Variants in LCLAT1 observed in about 807,000 individuals in gnomAD.
The protein encoded by LCLAT1 is lysocardiolipin acyltransferase 1.
LCLAT1 carries 11 observed loss-of-function variants against 30.7 expected under a neutral mutation model. The observed-to-expected ratio is 0.36, with a 90% CI of 0.23 to 0.59. The LOEUF (loss-of-function observed/expected upper bound fraction) is 0.59, where lower values mean the gene tolerates loss of function less well. Ranked by LOEUF, LCLAT1 falls within the 20% of genes least tolerant of loss-of-function variation. The pLI is 0.77. For missense variants in LCLAT1, 402 were observed against 458.6 expected (o/e 0.88, Z 1.13); for synonymous variants, 155 against 151.3 (o/e 1.02, Z -0.18).
At chr2:30,449,208 A>G (rs1558443123) in intron 1 of LCLAT1, among the ~76,000 whole-genome samples, 1 of 152,226 alleles carries the variant, frequency 6.6e-6, no homozygotes. Context: ...CCTATGACAT[A>G]CAGATGTGTT....
At chr2:30,526,025 C>T (rs1685702589) in intron 2 of LCLAT1, among the ~76,000 whole-genome samples, 1 of 152,180 alleles carries the variant, frequency 6.6e-6, no homozygotes, top group African/African-American at 2.4e-5. Context: ...GCTTAGCCAT[C>T]CTTTTTTCCC....
rs1372561792 is a variant in LCLAT1 at position 30,640,232 on chromosome 2, C to T, written c.744C>T (p.His248=). The T allele has an allele frequency of 2.5e-6, 4 of 1,614,084 alleles. No individual in the cohort carries two copies. Among genetic ancestry groups the T allele is most frequent in the Non-Finnish European group, 3.4e-6 (4 of 1,179,918 alleles). ...DFPREIHFHV[H]RYPIDTLPTS... is the part of the protein sequence containing the mutation. ...CCAGGGAAATCCACTTTCACGTCCA[C>T]CGGTATCCAATAGACACCCTCCCCA... is the stretch of plus-strand genomic sequence containing the variant. Residue 248 remains histidine (H), a synonymous_variant, in exon 6 of 6, where the codon CAC becomes CAT. Transcript: ENST00000379509.
intron 5 of LCLAT1, among the ~76,000 whole-genome samples, chr2:30,580,770 G>T (rs1394620855): frequency 6.6e-6 from 1 of 152,130 alleles, no homozygotes; most frequent in Non-Finnish European, 1.5e-5. Context: ...AGGAGGCAAG[G>T]TTCAGCTGAA....
At chr2:30,507,970 T>G (rs976294380) in intron 1 of LCLAT1, among the ~76,000 whole-genome samples, 1 of 152,204 alleles carries the variant, frequency 6.6e-6, no homozygotes, top group Non-Finnish European at 1.5e-5. Context: ...TTTTTCTTTT[T>G]AGTAATAGCC....
At chr2:30,517,716 A>G (rs1351268636) in intron 1 of LCLAT1, among the ~76,000 whole-genome samples, 3 of 152,226 alleles carry the variant, frequency 2.0e-5, no homozygotes, top group Admixed American at 2.0e-4. Flanking sequence ...AAGAGAGGGG[A>G]AAAAGAGAGA....
At chr2:30,450,407 C>G (rs1223219204) in intron 1 of LCLAT1, among the ~76,000 whole-genome samples, 2 of 144,120 alleles carry the variant, frequency 1.4e-5, no homozygotes, top group African/African-American at 5.0e-5. Flanking sequence ...GAACTCTTAG[C>G]TAAGAGAGTG....
chr2:30,539,557 A>G (rs1056349077), intron 3 of LCLAT1, among the ~76,000 whole-genome samples: 27 of 152,230 alleles, frequency 1.8e-4, no homozygotes, highest in African/African-American at 6.3e-4. Flanking sequence ...ATTTAAGAAC[A>G]TGTGTTATAA....
intron 1 of LCLAT1, 24 bp from the exon 2 acceptor site, chr2:30,525,562 AT>A: frequency 6.3e-7 from 1 of 1,586,308 alleles, no homozygotes; most frequent in Non-Finnish European, 8.7e-7. Context: ...TAGTAACAAA[AT>A]ATATCCTTTT....
chr2:30,568,849 A>G (rs1468485533), intron 5 of LCLAT1, among the ~76,000 whole-genome samples: 3 of 132,840 alleles, frequency 2.3e-5, no homozygotes, highest in South Asian at 2.6e-4. Context: ...CCATTTCTCT[A>G]GTAATCATGA....
At chr2:30,557,238 G>A (rs1269712833) in intron 3 of LCLAT1, among the ~76,000 whole-genome samples, 1 of 150,602 alleles carries the variant, frequency 6.6e-6, no homozygotes, top group East Asian at 2.0e-4. Context: ...GTATAGACAT[G>A]GTCAATGAAA....
At chr2:30,600,624 C>CTCT (rs59676453) in intron 5 of LCLAT1, among the ~76,000 whole-genome samples, 108,192 of 151,778 alleles carry the variant, frequency 0.71, 38,717 homozygotes, top group African/African-American at 0.76. Flanking sequence ...GACCCCAAGT[C>CTCT]TCTTCTGGCT....
chr2:30,462,052 G>A (rs559002543), intron 1 of LCLAT1, among the ~76,000 whole-genome samples: 2 of 152,172 alleles, frequency 1.3e-5, no homozygotes, highest in Admixed American at 6.5e-5. Context: ...GATTACAGGC[G>A]TGAGCCACCG....
intron 5 of LCLAT1, among the ~76,000 whole-genome samples, chr2:30,588,319 G>C (rs1666531195): frequency 6.6e-6 from 1 of 152,144 alleles, no homozygotes; most frequent in South Asian, 2.1e-4. Flanking sequence ...ATATCCTTGG[G>C]GATAAACACC....
At chr2:30,599,691 A>G (rs1320722433) in intron 5 of LCLAT1, among the ~76,000 whole-genome samples, 2 of 152,004 alleles carry the variant, frequency 1.3e-5, no homozygotes, top group Non-Finnish European at 2.9e-5. Context: ...ACCCTTTATC[A>G]TTATATAATG....
chr2:30,521,871 A>G (rs1339212354), intron 1 of LCLAT1, among the ~76,000 whole-genome samples: 1 of 152,058 alleles, frequency 6.6e-6, no homozygotes, highest in African/African-American at 2.4e-5. Context: ...ATCTTTGCCA[A>G]CCGCTGATCT....
chr2:30,511,164 C>T (rs2148358341), intron 1 of LCLAT1, among the ~76,000 whole-genome samples: 1 of 152,228 alleles, frequency 6.6e-6, no homozygotes, highest in South Asian at 2.1e-4. Context: ...GGCTTGTGAA[C>T]TTTGGGCTTT....
At chr2:30,499,389 C>T (rs1047809027) in intron 1 of LCLAT1, among the ~76,000 whole-genome samples, 1 of 152,168 alleles carries the variant, frequency 6.6e-6, no homozygotes, top group Non-Finnish European at 1.5e-5. Context: ...GCCATGTTGG[C>T]CAGGCTTGTC....
intron 2 of LCLAT1, among the ~76,000 whole-genome samples, 182 bp from the exon 3 acceptor site, chr2:30,532,934 G>C (rs1020361861): frequency 4.6e-5 from 7 of 151,978 alleles, no homozygotes; most frequent in Admixed American, 6.6e-5. Context: ...TAGAAATAGT[G>C]CTTGATATTC....
intron 3 of LCLAT1, among the ~76,000 whole-genome samples, chr2:30,558,785 TGAA>T (rs1185898156): frequency 2.0e-5 from 3 of 152,162 alleles, no homozygotes; most frequent in African/African-American, 7.2e-5. Context: ...ATAATCACTT[TGAA>T]GAACTGGTGC....
Sources: gnomAD v4.1 joint callset for allele counts (sites outside exome capture counted in the v4.1 genomes callset) on GRCh38, gnomAD v4.1.1 for gene constraint, MANE v1.5 for transcripts, NCBI Gene and HGNC (gene_info 2026-07-23, HGNC 2026-07-21) for gene names.